Variants in RARS2 observed in about 807,000 individuals in gnomAD.
RARS2 encodes the protein arginyl-tRNA synthetase 2, mitochondrial.
Under a neutral mutation model 88.5 loss-of-function variants are expected in RARS2, and 67 were observed. The ratio of observed to expected loss-of-function variants is 0.76; its 90% CI spans 0.62 to 0.93. RARS2 has a LOEUF of 0.93. RARS2 is among the 40% of genes least tolerant of loss of function. The pLI is 0.00. For missense variants in RARS2, 664 were observed against 684.2 expected, an observed-to-expected ratio of 0.97 and a Z score of 0.33; for synonymous variants, 239 against 230.3, an observed-to-expected ratio of 1.04 and a Z score of -0.34.
intron 8 of RARS2, among the ~76,000 whole-genome samples, chr6:87,534,267 A>G (rs930605557): frequency 1.3e-5 from 2 of 152,194 alleles, no homozygotes; most frequent in Non-Finnish European, 2.9e-5. Context: ...AACTTGAGCT[A>G]TTTCATGAGT....
At chr6:87,549,039 CTG>C (rs571145510) in intron 5 of RARS2, among the ~76,000 whole-genome samples, 297 of 152,202 alleles carry the variant, frequency 2.0e-3, no homozygotes, top group African/African-American at 6.9e-3. Context: ...CATATCAAGA[CTG>C]TCTCTACAAA....
intron 8 of RARS2, among the ~76,000 whole-genome samples, chr6:87,534,426 G>A (rs748869196): frequency 3.9e-5 from 6 of 152,148 alleles, no homozygotes; most frequent in African/African-American, 9.7e-5. Context: ...ATTCAGGGAT[G>A]ATAATTATTA....
chr6:87,537,287 T>C (rs1388714008), intron 8 of RARS2, among the ~76,000 whole-genome samples: 2 of 152,246 alleles, frequency 1.3e-5, no homozygotes, highest in African/African-American at 2.4e-5. Context: ...GAAAATTCTA[T>C]GTACATAATT....
At chr6:87,544,942 G>A (rs1782151973) in intron 7 of RARS2, among the ~76,000 whole-genome samples, 1 of 152,188 alleles carries the variant, frequency 6.6e-6, no homozygotes. Flanking sequence ...GGCCCAGGGA[G>A]GCTGGATGTC....
Position 87,514,271 on chromosome 6 carries a change from AT to A in RARS2, c.*141del, listed in dbSNP as rs1420032691. 9 of 539,714 alleles carry A rather than the reference AT, an allele frequency of 1.7e-5. No homozygotes were observed. The highest frequency in any genetic ancestry group is 2.0e-5 in the Non-Finnish European group (6 of 302,688). The allele number at this position is 539,714 out of a possible 1,614,324, so 33.4% of individuals were successfully genotyped here. ...GGTTGCAGTGAGCCAACATCACACC[AT>A]TGCACTCCAGCCTGGGCAACAAGAG... On this transcript the variant is annotated 3_prime_UTR_variant, in exon 20 of 20. Coordinates refer to ENST00000369536, the MANE Select transcript of RARS2 (RefSeq NM_020320.5).
chr6:87,583,271 A>C (rs1774148672), intron 1 of RARS2, among the ~76,000 whole-genome samples: 1 of 152,182 alleles, frequency 6.6e-6, no homozygotes, highest in South Asian at 2.1e-4. Flanking sequence ...AAATTATTTC[A>C]AAATTAAAAG....
At chr6:87,547,707 G>T (rs751778709) in intron 6 of RARS2, among the ~76,000 whole-genome samples, 3 of 151,124 alleles carry the variant, frequency 2.0e-5, no homozygotes, top group African/African-American at 7.3e-5. Flanking sequence ...GCAGTGGTGC[G>T]CAGCTCACTG....
intron 8 of RARS2, among the ~76,000 whole-genome samples, chr6:87,532,176 TTAAA>T (rs1433693136): frequency 6.6e-6 from 1 of 152,182 alleles, no homozygotes; most frequent in African/African-American, 2.4e-5. Context: ...AATGACAGAC[TTAAA>T]TAAATAAATA....
chr6:87,565,093 T>C (rs1767473885), intron 2 of RARS2, among the ~76,000 whole-genome samples: 1 of 152,142 alleles, frequency 6.6e-6, no homozygotes, highest in South Asian at 2.1e-4. Context: ...CACCTTATTT[T>C]ATAGACATGA....
chr6:87,529,444 A>T (rs1397844663), intron 10 of RARS2, 98 bp downstream of exon 10: 1 of 827,670 alleles, frequency 1.2e-6, no homozygotes, highest in African/African-American at 1.7e-5. Context: ...ATCCCAAGAA[A>T]GCTGCACATT....
chr6:87,559,728 A>C (rs1394839184), intron 4 of RARS2, among the ~76,000 whole-genome samples: 3 of 152,106 alleles, frequency 2.0e-5, no homozygotes, highest in African/African-American at 4.8e-5. Flanking sequence ...TTTTTTATAA[A>C]CCCATTGTAA....
rs117375884 is a variant in RARS2 at position 87,532,638 on chromosome 6, A to G, written c.613-1696T>C. ...GTTTCCTCTGGACTTTACCCCATAT[A>G]TGCCTTTTCCCTCTGCTGATTTTGC... is the stretch of plus-strand genomic sequence containing the variant. On this transcript the variant is annotated intron_variant, in intron 8 of 19. Transcript: ENST00000369536. Among the ~76,000 whole-genome samples the G allele has an allele frequency of 1.4e-3, 214 of 152,312 alleles. 4 individuals carry two copies. In the East Asian group the frequency reaches 0.036, roughly 25 times the overall value.
chr6:87,541,846 T>G lies in RARS2; in HGVS notation c.612+72A>C, dbSNP rs1454088858. On this transcript the variant is annotated intron_variant, in intron 8 of 19. Transcript: ENST00000369536. ...CTCAAAATAAAGAAAAATAAACCTC[T>G]GGGATTAAAAACATGTTACTAAGCT... The G allele has an allele frequency of 2.5e-6, 3 of 1,187,002 alleles. No individual in the cohort carries two copies. In the East Asian group the frequency reaches 7.2e-5, roughly 29 times the overall value. The allele number at this position is 1,187,002 out of a possible 1,614,324, so 73.5% of individuals were successfully genotyped here.
At chr6:87,517,300 A>C (rs1772106806) in intron 17 of RARS2, among the ~76,000 whole-genome samples, 1 of 152,118 alleles carries the variant, frequency 6.6e-6, no homozygotes, top group Non-Finnish European at 1.5e-5. Context: ...GAGTAGAAGG[A>C]TATGAAAAAA....
chr6:87,586,114 T>G (rs1210043866), intron 1 of RARS2, among the ~76,000 whole-genome samples: 1 of 152,018 alleles, frequency 6.6e-6, no homozygotes, highest in African/African-American at 2.4e-5. Flanking sequence ...ACATGGAGAA[T>G]GAACTGGAGG....
At chr6:87,557,650 T>A (rs1296958582) in intron 4 of RARS2, among the ~76,000 whole-genome samples, 1 of 152,230 alleles carries the variant, frequency 6.6e-6, no homozygotes, top group Non-Finnish European at 1.5e-5. Flanking sequence ...CCTTCCCTCC[T>A]TCCTCAGGAG....
In RARS2 at chr6:87,515,005, C is replaced by T. The variant is rs1418210792; in HGVS notation, c.1602G>A (p.Val534=). The T allele has an allele frequency of 2.5e-6, 4 of 1,613,154 alleles. No individual in the cohort carries two copies. The African/African-American group carries it at 5.3e-5, about 22-fold the overall frequency. ...CTTTTATTTGTAGTGTTTTGTGTGC[C>T]ACAGCTGCAAGATGACTGAAACAGG... ...YLLTLSHLAA[V]AHKTLQIKDS... Residue 534 remains valine (V), a synonymous_variant, in exon 19 of 20, where the codon GTG becomes GTA. Transcript: ENST00000369536.
intron 1 of RARS2, among the ~76,000 whole-genome samples, chr6:87,586,881 GTTATTTATTTAT>G (rs145438214): frequency 0.012 from 1,832 of 147,498 alleles, 19 homozygotes; most frequent in African/African-American, 0.031. Context: ...TGTGGGGTTG[GTTATTTATTTAT>G]TTATTTATTT....
chr6:87,570,965 A>C (rs35866706), intron 1 of RARS2, among the ~76,000 whole-genome samples: 4,482 of 152,308 alleles, frequency 0.029, 96 homozygotes, highest in Middle Eastern at 0.051. Context: ...ACTGAAGTAC[A>C]GGGAATTTAC....
Sources: gnomAD v4.1 joint callset for allele counts (sites outside exome capture counted in the v4.1 genomes callset) on GRCh38, gnomAD v4.1.1 for gene constraint, MANE v1.5 for transcripts, NCBI Gene and HGNC (gene_info 2026-07-23, HGNC 2026-07-21) for gene names.